SOBP: variants seen among roughly 807,000 people sequenced by gnomAD.
The protein encoded by SOBP is sine oculis binding protein homolog.
Under a neutral mutation model 53.6 loss-of-function variants are expected in SOBP, and 4 were observed. The ratio of observed to expected loss-of-function variants is 0.07; its 90% CI spans 0.04 to 0.17. The LOEUF (loss-of-function observed/expected upper bound fraction) is 0.17, where lower values mean the gene tolerates loss of function less well. Ranked by LOEUF, SOBP falls within the 10% of genes least tolerant of loss-of-function variation. The pLI is 1.00. For synonymous variants in SOBP, 584 were observed against 522.6 expected, an observed-to-expected ratio of 1.12 and a Z score of -1.60; for missense variants, 1,088 against 1,204.7, an observed-to-expected ratio of 0.90 and a Z score of 1.43.
chr6:107,522,067 G>A (rs1296385655), intron 3 of SOBP, among the ~76,000 whole-genome samples: 6 of 151,984 alleles, frequency 3.9e-5, no homozygotes, highest in African/African-American at 1.5e-4. Context: ...AAGATACAAA[G>A]GACTGAATTC....
intron 4 of SOBP, among the ~76,000 whole-genome samples, chr6:107,546,247 T>C (rs1784298075): frequency 6.6e-6 from 1 of 152,116 alleles, no homozygotes; most frequent in Non-Finnish European, 1.5e-5. Context: ...ATATGGGCAA[T>C]TGGGAGTAGC....
chr6:107,529,694 A>G (rs771364088), intron 3 of SOBP: 7 of 882,276 alleles, frequency 7.9e-6, no homozygotes, highest in Non-Finnish European at 9.5e-6. Context: ...TTTAAAAGTC[A>G]CCAGATAAGG....
chr6:107,529,683 T>G (rs1383262567), intron 3 of SOBP: 34 of 937,758 alleles, frequency 3.6e-5, no homozygotes, highest in Non-Finnish European at 4.3e-5. Flanking sequence ...CCATCCTTAT[T>G]TTTAAAAGTC....
chr6:107,647,997 T>C (rs846965), intron 6 of SOBP, among the ~76,000 whole-genome samples: 37,362 of 152,068 alleles, frequency 0.25, 6,429 homozygotes, highest in African/African-American at 0.45. Context: ...ATGGCATTTG[T>C]ACTAATATGA....
At chr6:107,590,054 T>C (rs1261955448) in intron 5 of SOBP, among the ~76,000 whole-genome samples, 1 of 152,224 alleles carries the variant, frequency 6.6e-6, no homozygotes, top group African/African-American at 2.4e-5. Flanking sequence ...TTATCATTAC[T>C]GCCTCTTTCT....
At chr6:107,654,234 A>G (rs1242790111) in intron 6 of SOBP, among the ~76,000 whole-genome samples, 8 of 152,244 alleles carry the variant, frequency 5.3e-5, no homozygotes, top group Admixed American at 3.9e-4. Context: ...TGGTACATAC[A>G]TAGTACATGT....
At chr6:107,545,113 GA>G (rs1784259002) in intron 4 of SOBP, among the ~76,000 whole-genome samples, 1 of 152,180 alleles carries the variant, frequency 6.6e-6, no homozygotes, top group African/African-American at 2.4e-5. Flanking sequence ...ACTGATTTGA[GA>G]GAGGAGAATA....
At chr6:107,604,601 C>T (rs925436815) in intron 5 of SOBP, among the ~76,000 whole-genome samples, 22 of 152,040 alleles carry the variant, frequency 1.4e-4, no homozygotes, top group African/African-American at 5.3e-4. Flanking sequence ...TCCTTGTTAC[C>T]CATCTCCCCT....
intron 2 of SOBP, 52 bp downstream of exon 2, chr6:107,503,847 A>C: frequency 1.3e-3 from 2,028 of 1,552,018 alleles, no homozygotes; most frequent in Non-Finnish European, 1.6e-3. Context: ...TAACTATCTC[A>C]ACCTGCCAGA....
intron 6 of SOBP, among the ~76,000 whole-genome samples, chr6:107,652,030 C>T (rs1216335112): frequency 6.6e-6 from 1 of 152,136 alleles, no homozygotes; most frequent in Non-Finnish European, 1.5e-5. Context: ...TCTGATGGAG[C>T]GGTACAAAGA....
intron 3 of SOBP, among the ~76,000 whole-genome samples, chr6:107,521,909 A>AACACACACACAC (rs34004579): frequency 4.6e-4 from 64 of 139,362 alleles, no homozygotes; most frequent in African/African-American, 1.1e-3. Flanking sequence ...CAGACATTAA[A>AACACACACACAC]ACACACACAC....
intron 3 of SOBP, among the ~76,000 whole-genome samples, chr6:107,521,409 T>G (rs1489615682): frequency 2.6e-5 from 4 of 152,198 alleles, no homozygotes; most frequent in Non-Finnish European, 5.9e-5. Flanking sequence ...AATATAGGAT[T>G]AAAAAGGTCA....
At chr6:107,655,693 T>A (rs1262321856) in intron 6 of SOBP, among the ~76,000 whole-genome samples, 2 of 152,138 alleles carry the variant, frequency 1.3e-5, no homozygotes, top group Non-Finnish European at 2.9e-5. Flanking sequence ...ATTATTATAG[T>A]GTTTGGGATG....
In SOBP at chr6:107,649,163, CAAAAAAAAAAAAAAA is replaced by C. The variant is rs61034738; in HGVS notation, c.*4-9031_*4-9017del. 7.4e-5 allele frequency among the ~76,000 whole-genome samples: 3 copies of C among 40,416 alleles called. No individual in the cohort carries two copies. In the South Asian group the frequency reaches 3.9e-3, roughly 52 times the overall value. 26.5% of individuals were successfully genotyped at this position (40,416 alleles called of 152,430 possible). A position where few individuals can be genotyped will look rare whatever the true frequency, so the allele number is the denominator to read the frequency against. ...CAAGACCTTGCCCCGCCCCCACTAC[CAAAAAAAAAAAAAAA>C]AAAAAAAAAAAACCATCAGGAGCCA... is the stretch of plus-strand genomic sequence containing the variant. On this transcript the variant is annotated intron_variant, in intron 6 of 6. Coordinates refer to ENST00000317357, the MANE Select transcript of SOBP (RefSeq NM_018013.4).
intron 6 of SOBP, among the ~76,000 whole-genome samples, chr6:107,637,636 G>C (rs903145063): frequency 2.6e-5 from 4 of 152,198 alleles, no homozygotes; most frequent in African/African-American, 7.2e-5. Context: ...ATTGGGAATT[G>C]TCACTTTAAA....
chr6:107,593,334 C>G (rs1478335384), intron 5 of SOBP, among the ~76,000 whole-genome samples: 1 of 152,188 alleles, frequency 6.6e-6, no homozygotes, highest in Admixed American at 6.5e-5. Context: ...TTGGCAGGCT[C>G]TCCTTTCCAG....
intron 3 of SOBP, among the ~76,000 whole-genome samples, chr6:107,524,976 A>T (rs1260861075): frequency 1.3e-5 from 2 of 152,214 alleles, no homozygotes; most frequent in East Asian, 3.8e-4. Context: ...TGGAAACAAA[A>T]TGTCCTGCTG....
At chr6:107,525,207 A>C (rs1467638238) in intron 3 of SOBP, among the ~76,000 whole-genome samples, 4 of 152,214 alleles carry the variant, frequency 2.6e-5, no homozygotes, top group South Asian at 2.1e-4. Flanking sequence ...ATTACATAGG[A>C]AAGACAGACT....
At chr6:107,631,979 T>C (rs1361977800) in intron 5 of SOBP, among the ~76,000 whole-genome samples, 1 of 152,214 alleles carries the variant, frequency 6.6e-6, no homozygotes, top group African/African-American at 2.4e-5. Context: ...CATGATCACA[T>C]ACCAGCATGC....
Sources: gnomAD v4.1 joint callset for allele counts (sites outside exome capture counted in the v4.1 genomes callset) on GRCh38, gnomAD v4.1.1 for gene constraint, MANE v1.5 for transcripts, NCBI Gene and HGNC (gene_info 2026-07-23, HGNC 2026-07-21) for gene names.